Variants in DOK6 observed in about 807,000 individuals in gnomAD.
DOK6 encodes docking protein 6.
A neutral mutation model predicts 44.0 loss-of-function variants in DOK6; 22 were observed. The ratio of observed to expected loss-of-function variants is 0.50; its 90% CI spans 0.36 to 0.71. DOK6 has a LOEUF of 0.71. DOK6 is among the 30% of genes least tolerant of loss of function. DOK6 has a pLI of 0.00. For missense variants in DOK6, 340 were observed against 416.4 expected (o/e 0.82, Z 1.60); for synonymous variants, 166 against 145.5 (o/e 1.14, Z -1.01).
At chr18:69,409,748 G>A (rs955239722) in intron 1 of DOK6, among the ~76,000 whole-genome samples, 2 of 152,094 alleles carry the variant, frequency 1.3e-5, no homozygotes, top group Admixed American at 1.3e-4. Context: ...TTAACACCAT[G>A]GCAACCAGTA....
In DOK6 at chr18:69,451,089, T is replaced by A. The variant is rs1256016527; in HGVS notation, c.66+49779T>A. Among the ~76,000 whole-genome samples, 4 of 148,318 alleles carry A rather than the reference T, an allele frequency of 2.7e-5. No individual in the cohort carries two copies. In the South Asian group the frequency reaches 8.9e-4, roughly 33 times the overall value. ...TAACTTTAAATGTAAATGGACTAAATTCTCCAATTAAAAGACACAGACTGG... is the reference window on the plus strand; with the variant it reads ...TAACTTTAAATGTAAATGGACTAAAATCTCCAATTAAAAGACACAGACTGG... On this transcript the variant is annotated intron_variant, in intron 1 of 7. Coordinates refer to ENST00000382713, the MANE Select transcript of DOK6 (RefSeq NM_152721.6).
intron 1 of DOK6, among the ~76,000 whole-genome samples, chr18:69,527,070 G>T (rs1488838648): frequency 6.6e-6 from 1 of 152,130 alleles, no homozygotes; most frequent in Admixed American, 6.6e-5. Flanking sequence ...ATGTACAGTG[G>T]TTTAGCATTG....
At chr18:69,669,317 G>A (rs1457964628) in intron 3 of DOK6, among the ~76,000 whole-genome samples, 1 of 152,072 alleles carries the variant, frequency 6.6e-6, no homozygotes, top group Non-Finnish European at 1.5e-5. Flanking sequence ...TGTGTACTTC[G>A]TGTTTAGCTC....
At chr18:69,565,257 G>GA (rs764660574) in intron 2 of DOK6, among the ~76,000 whole-genome samples, 2 of 152,124 alleles carry the variant, frequency 1.3e-5, no homozygotes, top group Non-Finnish European at 2.9e-5. Flanking sequence ...GCTCAGTAAA[G>GA]ATTTTAATTT....
chr18:69,630,555 T>C (rs1984666929), intron 3 of DOK6, among the ~76,000 whole-genome samples: 2 of 152,234 alleles, frequency 1.3e-5, no homozygotes, highest in South Asian at 4.1e-4. Flanking sequence ...GGGCTGAGTG[T>C]AGAGTAAGAA....
At chr18:69,483,836 G>GT (rs1235210496) in intron 1 of DOK6, 3 of 152,058 alleles carry the variant, frequency 2.0e-5, no homozygotes, top group East Asian at 1.9e-4. Flanking sequence ...AGTCTTTGCG[G>GT]TTTTCTCATA....
At chr18:69,642,935 A>G (rs1287549838) in intron 3 of DOK6, among the ~76,000 whole-genome samples, 1 of 152,260 alleles carries the variant, frequency 6.6e-6, no homozygotes, top group African/African-American at 2.4e-5. Context: ...TAGATCAAAT[A>G]GCACACTGAT....
At chr18:69,635,705 GGAA>G (rs34480619) in intron 3 of DOK6, among the ~76,000 whole-genome samples, 116,108 of 151,706 alleles carry the variant, frequency 0.77, 47,527 homozygotes, top group Non-Finnish European at 0.92. Flanking sequence ...TGGTGCAGGT[GGAA>G]GAAGATGTGT....
chr18:69,703,129 G>A (rs915365428), intron 5 of DOK6, among the ~76,000 whole-genome samples: 14 of 152,012 alleles, frequency 9.2e-5, no homozygotes, highest in South Asian at 6.2e-4. Context: ...AAGGCACTAG[G>A]TTCCTAAACA....
chr18:69,525,400 G>A (rs1227245386), intron 1 of DOK6, among the ~76,000 whole-genome samples: 1 of 151,636 alleles, frequency 6.6e-6, no homozygotes, highest in African/African-American at 2.4e-5. Flanking sequence ...ATTTCTGGGG[G>A]GTTTCTATTT....
chr18:69,640,395 C>T (rs1984911315), intron 3 of DOK6, among the ~76,000 whole-genome samples: 2 of 152,194 alleles, frequency 1.3e-5, no homozygotes, highest in African/African-American at 4.8e-5. Context: ...AAAGTGCTTG[C>T]AAGCCTGAAA....
chr18:69,706,084 T>G (rs1599274965), intron 5 of DOK6, among the ~76,000 whole-genome samples: 2 of 152,228 alleles, frequency 1.3e-5, no homozygotes, highest in African/African-American at 2.4e-5. Context: ...TTGTCACACA[T>G]GCCTCATCCT....
intron 3 of DOK6, among the ~76,000 whole-genome samples, chr18:69,622,667 A>C (rs1438964293): frequency 5.3e-5 from 8 of 152,210 alleles, no homozygotes; most frequent in Non-Finnish European, 1.2e-4. Flanking sequence ...GCCTCCTTAG[A>C]TAAAGAACTT....
chr18:69,657,679 C>T (rs1256500770), intron 3 of DOK6, among the ~76,000 whole-genome samples: 3 of 152,088 alleles, frequency 2.0e-5, no homozygotes, highest in African/African-American at 7.2e-5. Context: ...AAAATAGTCT[C>T]AAAATAAAAA....
intron 2 of DOK6, among the ~76,000 whole-genome samples, chr18:69,589,423 T>C (rs1047713316): frequency 1.3e-5 from 2 of 151,752 alleles, no homozygotes; most frequent in African/African-American, 2.4e-5. Flanking sequence ...GTAAGATTAG[T>C]ATGAAAGAAT....
At chr18:69,784,728 T>C (rs1980379997) in intron 7 of DOK6, among the ~76,000 whole-genome samples, 1 of 152,208 alleles carries the variant, frequency 6.6e-6, no homozygotes. Flanking sequence ...AAAAAATCTA[T>C]TTCCACAAGA....
At chr18:69,476,311 A>C (rs1980260276) in intron 1 of DOK6, among the ~76,000 whole-genome samples, 1 of 152,226 alleles carries the variant, frequency 6.6e-6, no homozygotes, top group Non-Finnish European at 1.5e-5. Flanking sequence ...TTTTTTCTAC[A>C]TGAAGAATAT....
intron 1 of DOK6, among the ~76,000 whole-genome samples, chr18:69,530,082 T>G (rs151048508): frequency 5.9e-5 from 9 of 152,292 alleles, no homozygotes; most frequent in African/African-American, 2.2e-4. Context: ...CTCAAAATTA[T>G]TATTGTTATT....
At chr18:69,651,059 A>G (rs907864319) in intron 3 of DOK6, among the ~76,000 whole-genome samples, 1 of 152,186 alleles carries the variant, frequency 6.6e-6, no homozygotes, top group Non-Finnish European at 1.5e-5. Context: ...TAGAAGGCAT[A>G]TTGTTGGTAA....
Sources: gnomAD v4.1 joint callset for allele counts (sites outside exome capture counted in the v4.1 genomes callset) on GRCh38, gnomAD v4.1.1 for gene constraint, MANE v1.5 for transcripts, NCBI Gene and HGNC (gene_info 2026-07-23, HGNC 2026-07-21) for gene names.